GRIK3: variants seen among roughly 807,000 people sequenced by gnomAD.
The protein encoded by GRIK3 is glutamate receptor ionotropic, kainate 3.
Under a neutral mutation model 102.5 loss-of-function variants are expected in GRIK3, and 29 were observed. That is an observed-to-expected ratio of 0.28 (90% CI 0.21 to 0.39). GRIK3 has a LOEUF of 0.39. Among genes scored for constraint, GRIK3 ranks in the 10% least tolerant of loss-of-function variants. The probability of loss-of-function intolerance (pLI) is 1.00; values close to 1 mark genes in which losing one functional copy is unlikely to be tolerated. For synonymous variants in GRIK3, 511 were observed against 504.9 expected (o/e 1.01, Z -0.16); for missense variants, 908 against 1,252.4 (o/e 0.73, Z 4.15).
At chr1:36,866,846 T>C (rs1329655943) in intron 5 of GRIK3, among the ~76,000 whole-genome samples, 1 of 152,176 alleles carries the variant, frequency 6.6e-6, no homozygotes, top group East Asian at 1.9e-4. Context: ...CATCCATCCG[T>C]CCATCCATCC....
At chr1:36,831,375 C>A (rs1160033503) in intron 10 of GRIK3, among the ~76,000 whole-genome samples, 1 of 152,216 alleles carries the variant, frequency 6.6e-6, no homozygotes. Flanking sequence ...TCCACAGCTG[C>A]CTAAGTAAAC....
chr1:37,022,958 T>C (rs1056706365), intron 1 of GRIK3, among the ~76,000 whole-genome samples: 1 of 152,132 alleles, frequency 6.6e-6, no homozygotes, highest in Admixed American at 6.6e-5. Context: ...CAGAAGGGGA[T>C]GGAGGTTGAG....
intron 1 of GRIK3, among the ~76,000 whole-genome samples, chr1:36,928,920 A>T (rs1376604523): frequency 6.6e-6 from 1 of 152,148 alleles, no homozygotes. Context: ...AGGAGATAGC[A>T]CCTGTGCTGA....
At chr1:37,000,932 G>C (rs974897448) in intron 1 of GRIK3, among the ~76,000 whole-genome samples, 1 of 152,194 alleles carries the variant, frequency 6.6e-6, no homozygotes, top group African/African-American at 2.4e-5. Context: ...GGCAAATACC[G>C]AAGCATTGCA....
intron 1 of GRIK3, among the ~76,000 whole-genome samples, chr1:36,982,538 T>C (rs1201001247): frequency 6.6e-6 from 1 of 152,192 alleles, no homozygotes; most frequent in Non-Finnish European, 1.5e-5. Context: ...GATGTGCATA[T>C]GAACAATTCG....
intron 9 of GRIK3, among the ~76,000 whole-genome samples, chr1:36,847,513 T>A (rs1640532699): frequency 6.6e-6 from 1 of 152,164 alleles, no homozygotes; most frequent in South Asian, 2.1e-4. Flanking sequence ...TGGACAGAAG[T>A]GGAGATTTTC....
At chr1:37,031,067 T>C (rs1247746099) in intron 1 of GRIK3, among the ~76,000 whole-genome samples, 1 of 152,138 alleles carries the variant, frequency 6.6e-6, no homozygotes, top group African/African-American at 2.4e-5. Context: ...GCTGAGAGAA[T>C]CTATGCATTA....
In GRIK3 at chr1:37,023,093, C is replaced by T. The variant is rs181959643; in HGVS notation, c.115+10901G>A. ...TCTGTAATCTGAGCACTTTGGGAGG[C>T]CATGGTGGGCAGATCACGAGGTCAG... On this transcript the variant is annotated intron_variant, in intron 1 of 15. Transcript: ENST00000373091. 2.0e-3 allele frequency among the ~76,000 whole-genome samples: 303 copies of T among 152,172 alleles called. 1 individual carries two copies. The highest frequency in any genetic ancestry group is 6.8e-3 in the African/African-American group (284 of 41,530).
intron 11 of GRIK3, among the ~76,000 whole-genome samples, chr1:36,822,642 C>G (rs1642708259): frequency 6.6e-6 from 1 of 152,208 alleles, no homozygotes; most frequent in African/African-American, 2.4e-5. Flanking sequence ...AGGCTACACT[C>G]CATCCCCAGC....
intron 1 of GRIK3, among the ~76,000 whole-genome samples, chr1:36,923,672 C>T (rs1309066941): frequency 2.6e-5 from 4 of 152,188 alleles, no homozygotes; most frequent in Non-Finnish European, 5.9e-5. Context: ...TCCGTGCTCT[C>T]TCCCAACTCC....
chr1:36,929,398 A>G lies in GRIK3; in HGVS notation c.116-38302T>C, dbSNP rs114036374. 6.2e-3 allele frequency among the ~76,000 whole-genome samples: 943 copies of G among 152,304 alleles called. 10 individuals are homozygous for G. Among genetic ancestry groups the G allele is most frequent in the African/African-American group, 0.021 (884 of 41,558 alleles). On this transcript the variant is annotated intron_variant, in intron 1 of 15. Coordinates refer to ENST00000373091, the MANE Select transcript of GRIK3 (RefSeq NM_000831.4). ...TATTTTAGATATATTTTCAACCCCA[A>G]TAGATCCTGGGGTTAACAAGCACAT...
chr1:36,854,443 T>C (rs1233590628), intron 7 of GRIK3, among the ~76,000 whole-genome samples: 2 of 152,128 alleles, frequency 1.3e-5, no homozygotes, highest in Non-Finnish European at 2.9e-5. Flanking sequence ...TTTTGTATCG[T>C]CATTAGCGTC....
At chr1:36,996,677 C>A (rs563264369) in intron 1 of GRIK3, among the ~76,000 whole-genome samples, 11 of 152,290 alleles carry the variant, frequency 7.2e-5, no homozygotes, top group Admixed American at 2.0e-4. Context: ...GCTTCCCCAC[C>A]GGGCGCTTTC....
chr1:36,893,557 T>C (rs942786490), intron 1 of GRIK3, among the ~76,000 whole-genome samples: 2 of 152,184 alleles, frequency 1.3e-5, no homozygotes, highest in Non-Finnish European at 2.9e-5. Context: ...GGTGCGGGAA[T>C]AGTTGTTTAG....
chr1:36,887,063 A>G (rs560220251), intron 2 of GRIK3, among the ~76,000 whole-genome samples: 17 of 152,366 alleles, frequency 1.1e-4, no homozygotes, highest in African/African-American at 2.9e-4. Context: ...ACATCGTTAT[A>G]GGCACAAGCT....
chr1:36,943,211 T>C (rs77717715), intron 1 of GRIK3, among the ~76,000 whole-genome samples: 1,641 of 106,136 alleles, frequency 0.015, 35 homozygotes, highest in African/African-American at 0.057. Context: ...GTGCAGGAGA[T>C]GAGGGTGGTT....
intron 1 of GRIK3, among the ~76,000 whole-genome samples, chr1:36,954,088 C>T (rs748639631): frequency 1.3e-5 from 2 of 152,228 alleles, no homozygotes; most frequent in African/African-American, 2.4e-5. Context: ...TCAAGGGGGA[C>T]GAAGGGCATC....
At position 36,841,913 on chromosome 1, in the gene GRIK3, T is replaced by A. The variant is rs1487727042; in HGVS notation, c.1353A>T (p.Lys451Asn). Residue 451 changes from lysine (K) to asparagine (N), a missense_variant, in exon 10 of 16, where the codon AAA becomes AAT. By Grantham distance (94) the Lys-to-Asn change is moderately conservative (BLOSUM62 0). Around this residue, in one of 3 missense-constraint regions of GRIK3, gnomAD observed 585 missense variants for 824.9 expected, o/e 0.71. Transcript: ENST00000373091. ...VLEEPFVMFR[K>N]SDRTLYGNDR... ...CATTCCCGTATAGCGTCCTGTCTGATTTCCGAAACATGACGAAGGGCTCCT... is the reference window on the plus strand; with the variant it reads ...CATTCCCGTATAGCGTCCTGTCTGAATTCCGAAACATGACGAAGGGCTCCT... 1.2e-6 allele frequency: 2 copies of A among 1,614,208 alleles called. No homozygotes were observed. The highest frequency in any genetic ancestry group is 4.5e-5 in the East Asian group (2 of 44,886).
rs950296510 is a variant in GRIK3, at chr1:36,810,127, G to A, written c.2092-3801C>T. 2.6e-5 allele frequency among the ~76,000 whole-genome samples: 4 copies of A among 152,108 alleles called. No individual in the cohort carries two copies. The South Asian group carries it at 8.3e-4, about 32-fold the overall frequency. ...TGATTCTGGGGCACAACCCTGTAAA[G>A]GTTCCTTGTGGCTTGTCTAAGCAGG... On this transcript the variant is annotated intron_variant, in intron 13 of 15. Coordinates refer to ENST00000373091, the MANE Select transcript of GRIK3 (RefSeq NM_000831.4).
Sources: gnomAD v4.1 joint callset for allele counts (sites outside exome capture counted in the v4.1 genomes callset) on GRCh38, gnomAD v4.1.1 for gene constraint, gnomAD v4.1.1 regional missense constraint, MANE v1.5 for transcripts, NCBI Gene and HGNC (gene_info 2026-07-23, HGNC 2026-07-21) for gene names.